CD276: variants seen among roughly 807,000 people sequenced by gnomAD.
CD276 encodes CD276 antigen.
A neutral mutation model predicts 50.0 loss-of-function variants in CD276; 34 were observed. The observed-to-expected ratio is 0.68, with a 90% CI of 0.52 to 0.91. The LOEUF (loss-of-function observed/expected upper bound fraction) is 0.91. Ranked by LOEUF, CD276 falls within the 40% of genes least tolerant of loss-of-function variation. CD276 has a pLI of 0.00. For synonymous variants in CD276, 275 were observed against 313.0 expected (o/e 0.88, Z 1.28); for missense variants, 634 against 717.5 (o/e 0.88, Z 1.33).
intron 2 of CD276, among the ~76,000 whole-genome samples, chr15:73,701,058 C>T (rs1900368598): frequency 1.3e-5 from 2 of 150,860 alleles, no homozygotes; most frequent in African/African-American, 2.4e-5. Flanking sequence ...TGTGTTCCAC[C>T]ACCCCTGGCT....
In CD276 at chr15:73,686,342, G is replaced by A. The variant is rs1371462739; in HGVS notation, c.-55+1882G>A. The A allele has an allele frequency of 9.2e-6, 9 of 978,688 alleles. No homozygotes were observed. In the East Asian group the frequency reaches 9.1e-4, roughly 99 times the overall value. The allele number at this position is 978,688 out of a possible 1,614,324, so 60.6% of individuals were successfully genotyped here. On this transcript the variant is annotated intron_variant, in intron 1 of 9. Transcript: ENST00000318443. ...GTTAATGCAAGTCTCAGGTGAGAAG[G>A]GGTGTTGGAATCTGAGGACCCTGTT...
In CD276 at chr15:73,703,935, G is replaced by C; in HGVS notation, c.1010G>C (p.Ser337Thr). ...CGCGTGCGTGTGGCGGACGAGGGCAGCTTCACCTGCTTCGTGAGCATCCGG... is the reference window on the plus strand; with the variant it reads ...CGCGTGCGTGTGGCGGACGAGGGCACCTTCACCTGCTTCGTGAGCATCCGG... Reference protein sequence around the residue: ...LQRVRVADEGSFTCFVSIRDF... With the variant: ...LQRVRVADEGTFTCFVSIRDF... The change falls in exon 5 of 10, where the codon AGC becomes ACC. Residue 337 changes from serine to threonine, a missense_variant. Ser to Thr is a moderately conservative substitution (Grantham distance 58). Coordinates refer to ENST00000318443, the MANE Select transcript of CD276 (RefSeq NM_001024736.2). 6.2e-7 allele frequency: 1 copy of C among 1,613,004 alleles called. No homozygotes were observed. The highest frequency in any genetic ancestry group is 1.7e-5 in the Admixed American group (1 of 60,010).
At chr15:73,694,068 G>T (rs1900080221) in intron 1 of CD276, among the ~76,000 whole-genome samples, 1 of 152,204 alleles carries the variant, frequency 6.6e-6, no homozygotes, top group South Asian at 2.1e-4. Flanking sequence ...CTGAGCTGCA[G>T]CTCAGTGTGT....
rs1900966662 is a variant in CD276, at chr15:73,712,917, C to A, written c.1583-17C>A. The stretch of plus-strand genomic sequence containing the variant: ...GCTTTTCCCTTCCCTTTTTTTTCTT[C>A]CCATCATGAAATGAAGATGATGGAC... On this transcript the variant is annotated splice_polypyrimidine_tract_variant and intron_variant, in intron 9 of 9. Transcript: ENST00000318443. 1 of 1,607,664 alleles carries A rather than the reference C, an allele frequency of 6.2e-7. No homozygotes were observed. The highest frequency in any genetic ancestry group is 1.7e-5 in the Admixed American group (1 of 58,238).
rs181215978 is a variant in CD276, at chr15:73,713,204, G to A, written c.*248G>A. 29 of 490,432 alleles carry A rather than the reference G, an allele frequency of 5.9e-5. No individual in the cohort carries two copies. Among genetic ancestry groups the A allele is most frequent in the Non-Finnish European group, 8.2e-5 (23 of 279,154 alleles). The allele number at this position is 490,432 out of a possible 1,614,324, so 30.4% of individuals were successfully genotyped here. A position where few individuals can be genotyped will look rare whatever the true frequency, so the allele number is the denominator to read the frequency against. ...ACCACCCACAACCTTAGTTCTCTAA[G>A]TCATCCTGCCTGCTGCCTTATTTCA... On this transcript the variant is annotated 3_prime_UTR_variant, in exon 10 of 10. Transcript: ENST00000318443.
Position 73,704,223 on chromosome 15 carries a change from C to T in CD276, c.1120C>T (p.Arg374Trp), listed in dbSNP as rs754785892. 23 of 1,613,918 alleles carry T rather than the reference C, an allele frequency of 1.4e-5. No individual in the cohort carries two copies. The highest frequency in any genetic ancestry group is 1.6e-4 in the Middle Eastern group (1 of 6,080). Reference protein sequence around the residue: ...SMTLEPNKDLRPGDTVTITCS... With the variant: ...SMTLEPNKDLWPGDTVTITCS... Reference sequence around the variant, plus strand: ...GACCCTGGAGCCCAACAAGGACCTGCGGCCAGGGGACACGGTGACCATCAC... The same window carrying T: ...GACCCTGGAGCCCAACAAGGACCTGTGGCCAGGGGACACGGTGACCATCAC... The change falls in exon 6 of 10, where the codon CGG becomes TGG. Residue 374 changes from arginine to tryptophan, a missense_variant. Physicochemically the swap from Arg to Trp is moderately radical, Grantham distance 101. Transcript: ENST00000318443. This position sits in a 1 kb window ranked among gnomAD's most constrained non-coding sequence, Gnocchi z 4.1.
chr15:73,704,395 G>A lies in CD276; in HGVS notation c.1292G>A (p.Gly431Asp), dbSNP rs1219061125. 3.1e-6 allele frequency: 5 copies of A among 1,614,122 alleles called. No homozygotes were observed. The South Asian group carries it at 4.4e-5, about 14-fold the overall frequency. The stretch of plus-strand genomic sequence containing the variant: ...CACAGCGTCCTGCGGGTGGTGCTGG[G>A]TGCGAATGGCACCTACAGCTGCCTG... The part of the protein sequence containing the change: ...DVHSVLRVVL[G>D]ANGTYSCLVR... Residue 431 changes from glycine (G) to aspartate (D), a missense_variant, in exon 6 of 10, where the codon GGT (glycine) becomes GAT (aspartate). Transcript: ENST00000318443. This position sits in a 1 kb window ranked among gnomAD's most constrained non-coding sequence, Gnocchi z 4.1.
intron 1 of CD276, among the ~76,000 whole-genome samples, chr15:73,695,882 G>A (rs1900154363): frequency 6.6e-6 from 1 of 152,244 alleles, no homozygotes; most frequent in African/African-American, 2.4e-5. Context: ...TAGGGGGTTA[G>A]GAGGAAGTGG....
intron 2 of CD276, among the ~76,000 whole-genome samples, chr15:73,700,984 A>G (rs796867062): frequency 6.6e-4 from 38 of 57,322 alleles, no homozygotes; most frequent in African/African-American, 2.4e-3. Context: ...GCTCACTGCA[A>G]CCTCCACCTC....
chr15:73,702,220 C>T, intron 2 of CD276, 35 bp from the exon 3 acceptor site: 1 of 1,514,820 alleles, frequency 6.6e-7, no homozygotes, highest in Non-Finnish European at 8.9e-7. Context: ...CCTCCTCAGT[C>T]CCCCTTATAT....
chr15:73,710,712 A>T (rs376291295), intron 8 of CD276, among the ~76,000 whole-genome samples: 60 of 152,338 alleles, frequency 3.9e-4, no homozygotes, highest in African/African-American at 1.4e-3. Flanking sequence ...TGTAGTTGGC[A>T]GAAGGGAGGG....
At position 73,687,035 on chromosome 15, in the gene CD276, G is replaced by A. The variant is rs902512185; in HGVS notation, c.-55+2575G>A. On this transcript the variant is annotated intron_variant, in intron 1 of 9. Transcript: ENST00000318443. This position sits in a 1 kb window ranked among gnomAD's most constrained non-coding sequence, Gnocchi z 4.0. ...GGGGGAGGGCACACCCAGGGCCTAG[G>A]GGAGGGGGAGAGGGGTGAGGACTGG... 4.6e-5 allele frequency among the ~76,000 whole-genome samples: 7 copies of A among 152,290 alleles called. No individual in the cohort carries two copies. Among genetic ancestry groups the A allele is most frequent in the African/African-American group, 1.4e-4 (6 of 41,536 alleles).
intron 1 of CD276, among the ~76,000 whole-genome samples, chr15:73,691,417 C>T (rs541225558): frequency 2.0e-5 from 3 of 152,264 alleles, no homozygotes; most frequent in African/African-American, 7.2e-5. Context: ...CAGTCCCAGA[C>T]CGTATCCTTC....
chr15:73,702,717 C>T, intron 3 of CD276, 55 bp from the exon 4 acceptor site: 1 of 1,580,538 alleles, frequency 6.3e-7, no homozygotes, highest in Non-Finnish European at 8.6e-7. Flanking sequence ...CCCATGCATC[C>T]TTTTCGTCCT....
chr15:73,684,825 C>G (rs890672623), intron 1 of CD276: 1 of 152,406 alleles, frequency 6.6e-6, no homozygotes, highest in Non-Finnish European at 1.5e-5. Context: ...TTTGCAGGCC[C>G]CGGGTCTGGA....
In CD276 at chr15:73,704,425, G is replaced by T; in HGVS notation, c.1322G>T (p.Arg441Leu). Residue 441 changes from arginine to leucine, a missense_variant, in exon 6 of 10, where the codon CGC becomes CTC. Physicochemically the swap from Arg to Leu is moderately radical, Grantham distance 102. Transcript: ENST00000318443. This position sits in a 1 kb window ranked among gnomAD's most constrained non-coding sequence, Gnocchi z 4.1. Reference protein sequence around the residue: ...GANGTYSCLVRNPVLQQDAHG... With the variant: ...GANGTYSCLVLNPVLQQDAHG... Reference sequence around the variant, plus strand: ...AATGGCACCTACAGCTGCCTGGTGCGCAACCCCGTGCTGCAGCAGGATGCG... The same window carrying T: ...AATGGCACCTACAGCTGCCTGGTGCTCAACCCCGTGCTGCAGCAGGATGCG... 6.2e-7 allele frequency: 1 copy of T among 1,613,866 alleles called. No individual in the cohort carries two copies. The highest frequency in any genetic ancestry group is 8.5e-7 in the Non-Finnish European group (1 of 1,179,980).
chr15:73,707,819 A>G (rs1052663895), intron 6 of CD276, among the ~76,000 whole-genome samples: 1 of 152,238 alleles, frequency 6.6e-6, no homozygotes, highest in Non-Finnish European at 1.5e-5. Flanking sequence ...GTCACCAGGT[A>G]GGGCTGAAGC....
upstream of CD276, chr15:73,684,170 C>G (rs1467104107): frequency 1.4e-5 from 2 of 145,084 alleles, no homozygotes; most frequent in African/African-American, 5.1e-5. Context: ...GGGTTTTCCC[C>G]GCCAGGGTCA....
chr15:73,702,587 G>A lies in CD276; in HGVS notation c.412G>A (p.Val138Met). Reference sequence around the variant, plus strand: ...CGGCAGCGCTGCCGTCAGCCTGCAGGTGGCCGGTGAGCACCAGGAGGGGGA... The same window carrying A: ...CGGCAGCGCTGCCGTCAGCCTGCAGATGGCCGGTGAGCACCAGGAGGGGGA... ...DFGSAAVSLQ[V>M]AAPYSKPSMT... Residue 138 changes from valine (V) to methionine (M), a missense_variant, in exon 3 of 10, where the codon GTG (valine) becomes ATG (methionine). Coordinates refer to ENST00000318443, the MANE Select transcript of CD276 (RefSeq NM_001024736.2). 1.9e-6 allele frequency: 3 copies of A among 1,606,354 alleles called. No individual in the cohort carries two copies. The Admixed American group carries it at 5.0e-5, about 27-fold the overall frequency.
Sources: gnomAD v4.1 joint callset for allele counts (sites outside exome capture counted in the v4.1 genomes callset) on GRCh38, gnomAD v4.1.1 for gene constraint, Gnocchi (gnomAD v3.1) non-coding constraint, MANE v1.5 for transcripts, NCBI Gene and HGNC (gene_info 2026-07-23, HGNC 2026-07-21) for gene names.